Variants in ANKRD31 observed in about 807,000 individuals in gnomAD.
ANKRD31 encodes the protein ankyrin repeat domain-containing protein 31.
Under a neutral mutation model 186.0 loss-of-function variants are expected in ANKRD31, and 147 were observed. That is an observed-to-expected ratio of 0.79 (90% CI 0.69 to 0.91). The LOEUF (loss-of-function observed/expected upper bound fraction) is 0.91. ANKRD31 is among the 40% of genes least tolerant of loss of function. ANKRD31 has a pLI of 0.00. For missense variants in ANKRD31, 1,986 were observed against 2,148.8 expected (o/e 0.92, Z 1.50); for synonymous variants, 673 against 736.4 (o/e 0.91, Z 1.39).
At chr5:75,125,060 T>G (rs1040047511) in intron 17 of ANKRD31, among the ~76,000 whole-genome samples, 2 of 152,168 alleles carry the variant, frequency 1.3e-5, no homozygotes, top group Admixed American at 6.5e-5. Context: ...GCCAAGTTAC[T>G]TATCATCTCT....
chr5:75,087,778 G>T (rs757750136), intron 23 of ANKRD31, among the ~76,000 whole-genome samples: 48 of 152,092 alleles, frequency 3.2e-4, no homozygotes, highest in Non-Finnish European at 5.9e-4. Context: ...ATTTCTTTAG[G>T]AATTCATAAT....
chr5:75,229,012 A>G (rs1477937), intron 2 of ANKRD31, among the ~76,000 whole-genome samples: 76,743 of 152,024 alleles, frequency 0.5, 22,312 homozygotes, highest in African/African-American at 0.81. Flanking sequence ...GTGGGTGTTT[A>G]GGAATTTTTT....
chr5:75,112,264 C>T (rs1021623690), intron 20 of ANKRD31, among the ~76,000 whole-genome samples: 2 of 152,082 alleles, frequency 1.3e-5, no homozygotes, highest in Non-Finnish European at 2.9e-5. Flanking sequence ...GTATCTTTAA[C>T]AACACAAACT....
chr5:75,157,410 A>T (rs1381266455), intron 11 of ANKRD31, among the ~76,000 whole-genome samples: 4 of 152,184 alleles, frequency 2.6e-5, no homozygotes, highest in Non-Finnish European at 5.9e-5. Context: ...TTATAGTAAA[A>T]TGTGAGGAGA....
At chr5:75,117,329 G>A (rs1020818670) in intron 18 of ANKRD31, among the ~76,000 whole-genome samples, 11 of 152,070 alleles carry the variant, frequency 7.2e-5, no homozygotes, top group African/African-American at 2.2e-4. Flanking sequence ...GAAATGGCTG[G>A]GCCTCTAAGA....
intron 2 of ANKRD31, among the ~76,000 whole-genome samples, chr5:75,228,999 T>A (rs1757794369): frequency 6.6e-6 from 1 of 151,312 alleles, no homozygotes; most frequent in African/African-American, 2.4e-5. Context: ...TTAGAAAACC[T>A]TCGTGGGTGT....
At chr5:75,176,850 C>G (rs943755623) in intron 10 of ANKRD31, among the ~76,000 whole-genome samples, 10 of 152,210 alleles carry the variant, frequency 6.6e-5, no homozygotes, top group Non-Finnish European at 1.0e-4. Context: ...AGGAACGCAG[C>G]TCCTCACCAG....
chr5:75,141,365 C>T (rs757483445), intron 15 of ANKRD31, among the ~76,000 whole-genome samples: 2 of 151,530 alleles, frequency 1.3e-5, no homozygotes, highest in Admixed American at 6.6e-5. Context: ...TATATATATA[C>T]ATATGAGAGA....
At position 75,222,441 on chromosome 5, in the gene ANKRD31, C is replaced by A; in HGVS notation, c.179-83G>T. The A allele has an allele frequency of 8.7e-6, 8 of 916,720 alleles. No individual in the cohort carries two copies. In the South Asian group the frequency reaches 1.3e-4, roughly 15 times the overall value. 56.8% of individuals were successfully genotyped at this position (916,720 alleles called of 1,614,324 possible). A position where few individuals can be genotyped will look rare whatever the true frequency, so the allele number is the denominator to read the frequency against. ...ATGGCCCAATAATTTTATACGCATG[C>A]AAAATGTTATCAAGAATCATCTAGT... On this transcript the variant is annotated intron_variant, in intron 2 of 25. Transcript: ENST00000506364.
intron 10 of ANKRD31, among the ~76,000 whole-genome samples, chr5:75,170,694 C>G (rs954779217): frequency 1.4e-4 from 21 of 152,058 alleles, no homozygotes; most frequent in Non-Finnish European, 2.1e-4. Context: ...CCAGTGTCTA[C>G]TGTTCCCTTC....
intron 3 of ANKRD31, among the ~76,000 whole-genome samples, chr5:75,217,510 AT>A (rs1757031459): frequency 6.6e-6 from 1 of 152,152 alleles, no homozygotes; most frequent in Non-Finnish European, 1.5e-5. Flanking sequence ...AGGGAAGGGA[AT>A]GCCCCTCTTT....
chr5:75,165,060 G>T (rs1161064077), intron 11 of ANKRD31, among the ~76,000 whole-genome samples: 9 of 152,110 alleles, frequency 5.9e-5, no homozygotes, highest in Non-Finnish European at 1.3e-4. Flanking sequence ...ACATTTTATA[G>T]CTTTTACAAT....
At chr5:75,114,791 A>T (rs1426866177) in intron 19 of ANKRD31, among the ~76,000 whole-genome samples, 2 of 152,206 alleles carry the variant, frequency 1.3e-5, no homozygotes, top group African/African-American at 2.4e-5. Flanking sequence ...TTCCATGCTC[A>T]TGGATAGGAA....
chr5:75,127,562 G>A (rs1460398890), intron 17 of ANKRD31, among the ~76,000 whole-genome samples: 3 of 152,136 alleles, frequency 2.0e-5, no homozygotes, highest in African/African-American at 4.8e-5. Flanking sequence ...ACACACTATA[G>A]ATAATATAAA....
intron 17 of ANKRD31, among the ~76,000 whole-genome samples, chr5:75,136,395 C>CA (rs769765995): frequency 1.9e-4 from 29 of 152,058 alleles, no homozygotes; most frequent in Non-Finnish European, 2.8e-4. Context: ...TTTATGCAGC[C>CA]AACAGACACA....
At chr5:75,202,294 A>G (rs547203736) in intron 5 of ANKRD31, among the ~76,000 whole-genome samples, 1 of 152,346 alleles carries the variant, frequency 6.6e-6, no homozygotes, top group African/African-American at 2.4e-5. Context: ...TATTTTAAAA[A>G]CTTAATAAAA....
Position 75,112,655 on chromosome 5 carries a change from A to G in ANKRD31, c.4156-55T>C, listed in dbSNP as rs1747882763. ...TATAAAGGGGTAGATATGCTCTCTG[A>G]TATGCCATTGACAAACACAGAGTAA... On this transcript the variant is annotated intron_variant, in intron 19 of 25. Transcript: ENST00000506364. The G allele has an allele frequency of 2.7e-6, 3 of 1,119,024 alleles. No homozygotes were observed. The Admixed American group carries it at 8.2e-5, about 31-fold the overall frequency. The allele number at this position is 1,119,024 out of a possible 1,614,324, so 69.3% of individuals were successfully genotyped here. A position where few individuals can be genotyped will look rare whatever the true frequency, so the allele number is the denominator to read the frequency against.
intron 3 of ANKRD31, among the ~76,000 whole-genome samples, chr5:75,217,125 A>C (rs1372732150): frequency 1.5e-4 from 23 of 152,058 alleles, no homozygotes; most frequent in Admixed American, 1.5e-3. Context: ...AGTTTGATGA[A>C]AATTGTTTCA....
At chr5:75,165,341 T>C (rs1752844990) in intron 11 of ANKRD31, among the ~76,000 whole-genome samples, 1 of 152,206 alleles carries the variant, frequency 6.6e-6, no homozygotes, top group South Asian at 2.1e-4. Context: ...ACATCATTAG[T>C]AGTTTCACTG....
Sources: gnomAD v4.1 joint callset for allele counts (sites outside exome capture counted in the v4.1 genomes callset) on GRCh38, gnomAD v4.1.1 for gene constraint, MANE v1.5 for transcripts, NCBI Gene and HGNC (gene_info 2026-07-23, HGNC 2026-07-21) for gene names.